PDE10A: variants seen among roughly 807,000 people sequenced by gnomAD.
The protein encoded by PDE10A is cAMP and cAMP-inhibited cGMP 3',5'-cyclic phosphodiesterase 10A.
A neutral mutation model predicts 97.7 loss-of-function variants in PDE10A; 39 were observed. The ratio of observed to expected loss-of-function variants is 0.40; its 90% CI spans 0.31 to 0.52. PDE10A has a LOEUF of 0.52. Among genes scored for constraint, PDE10A ranks in the 20% least tolerant of loss-of-function variants. The pLI, the probability that PDE10A is intolerant of heterozygous loss-of-function variation, is 0.56. For synonymous variants in PDE10A, 371 were observed against 376.8 expected, an observed-to-expected ratio of 0.98 and a Z score of 0.18; for missense variants, 731 against 1,047.8, an observed-to-expected ratio of 0.70 and a Z score of 4.17.
At chr6:165,974,389 C>G (rs1457866330) in intron 1 of PDE10A, among the ~76,000 whole-genome samples, 3 of 152,164 alleles carry the variant, frequency 2.0e-5, no homozygotes, top group Non-Finnish European at 2.9e-5. Context: ...ATAGTAAGTG[C>G]CTGGCACACC....
At chr6:165,749,443 C>T (rs374676244) in intron 1 of PDE10A, among the ~76,000 whole-genome samples, 13 of 85,564 alleles carry the variant, frequency 1.5e-4, no homozygotes, top group African/African-American at 2.6e-4. Context: ...ATCACCATCA[C>T]CACCATCACA....
chr6:165,516,496 A>T (rs1269407276), intron 2 of PDE10A, among the ~76,000 whole-genome samples: 1 of 152,168 alleles, frequency 6.6e-6, no homozygotes, highest in African/African-American at 2.4e-5. Flanking sequence ...AGAACTTTCT[A>T]CTACCATTGT....
At chr6:165,498,468 C>CAAAAAAAAAAAAAAAAAA (rs1780679049) in intron 2 of PDE10A, among the ~76,000 whole-genome samples, 1 of 51,284 alleles carries the variant, frequency 1.9e-5, no homozygotes, top group Non-Finnish European at 4.3e-5. Flanking sequence ...AAAAAAAAAT[C>CAAAAAAAAAAAAAAAAAA]AGTAACAGAG....
At chr6:165,949,484 C>T (rs1417408443) in intron 1 of PDE10A, 1 of 152,152 alleles carries the variant, frequency 6.6e-6, no homozygotes, top group Non-Finnish European at 1.5e-5. Flanking sequence ...TGCAACACAT[C>T]GGATGATGAC....
chr6:165,875,215 C>T (rs966813254), intron 1 of PDE10A, among the ~76,000 whole-genome samples: 3 of 152,104 alleles, frequency 2.0e-5, no homozygotes, highest in Admixed American at 6.6e-5. Flanking sequence ...GCTTTTCCTA[C>T]CAGGAGGATA....
chr6:165,340,620 A>C lies in PDE10A; in HGVS notation c.2896-1262T>G, dbSNP rs537917611. ...GCTTTTTAAACAAACGATGATTTGA[A>C]TATGTACTCGAAACAAAAATGCTAA... On this transcript the variant is annotated intron_variant, in intron 19 of 21. Transcript: ENST00000539869. 4.6e-5 allele frequency among the ~76,000 whole-genome samples: 7 copies of C among 152,378 alleles called. No homozygotes were observed. The South Asian group carries it at 1.5e-3, about 32-fold the overall frequency.
chr6:165,664,743 C>A (rs1449215033), upstream of PDE10A, among the ~76,000 whole-genome samples: 1 of 152,198 alleles, frequency 6.6e-6, no homozygotes, highest in Non-Finnish European at 1.5e-5. Context: ...CTGGACCAGG[C>A]AGCAAGGGTC....
chr6:165,644,387 G>T (rs889983398), intron 1 of PDE10A, among the ~76,000 whole-genome samples: 3 of 152,152 alleles, frequency 2.0e-5, no homozygotes, highest in African/African-American at 7.2e-5. Context: ...AAGAGTCTCC[G>T]TGAAGATTTC....
chr6:165,344,972 G>C (rs1050401355), intron 18 of PDE10A, among the ~76,000 whole-genome samples: 2 of 152,088 alleles, frequency 1.3e-5, no homozygotes, highest in African/African-American at 4.8e-5. Flanking sequence ...TAAGAACTTT[G>C]TGTCTTGAAG....
intron 10 of PDE10A, among the ~76,000 whole-genome samples, chr6:165,423,663 T>C (rs189535454): frequency 4.4e-4 from 67 of 152,106 alleles, no homozygotes; most frequent in African/African-American, 1.4e-3. Context: ...GTCAAGAGAT[T>C]GAGACCATCC....
intron 2 of PDE10A, among the ~76,000 whole-genome samples, chr6:165,506,960 AG>A (rs1005558411): frequency 6.6e-6 from 1 of 152,078 alleles, no homozygotes; most frequent in Non-Finnish European, 1.5e-5. Context: ...TCAGCTCAGG[AG>A]GTATTGAGCA....
At chr6:165,789,437 C>T (rs902647032) in intron 1 of PDE10A, among the ~76,000 whole-genome samples, 1 of 152,136 alleles carries the variant, frequency 6.6e-6, no homozygotes, top group African/African-American at 2.4e-5. Flanking sequence ...ATCTGTGAAG[C>T]CTATACATGA....
At chr6:165,369,526 G>A (rs933491588) in intron 18 of PDE10A, among the ~76,000 whole-genome samples, 51 of 144,664 alleles carry the variant, frequency 3.5e-4, no homozygotes, top group Non-Finnish European at 5.9e-4. Flanking sequence ...GAAGTTTAGA[G>A]AAAAAAGAAT....
At chr6:165,751,339 T>C (rs1433962864) in intron 1 of PDE10A, among the ~76,000 whole-genome samples, 1 of 152,198 alleles carries the variant, frequency 6.6e-6, no homozygotes, top group African/African-American at 2.4e-5. Flanking sequence ...GTGGCTTCCC[T>C]GGCCCCTGCC....
intron 1 of PDE10A, among the ~76,000 whole-genome samples, chr6:165,579,886 T>G (rs1310920387): frequency 6.6e-6 from 1 of 152,282 alleles, no homozygotes; most frequent in East Asian, 1.9e-4. Flanking sequence ...TCACACCTCC[T>G]GCGAGCTATT....
chr6:165,444,457 A>G (rs914458821), intron 5 of PDE10A, among the ~76,000 whole-genome samples: 7 of 152,104 alleles, frequency 4.6e-5, no homozygotes, highest in Non-Finnish European at 1.0e-4. Context: ...TGTTTTCTTG[A>G]TCTCTCAATA....
chr6:165,633,906 T>C (rs554192562), intron 1 of PDE10A, among the ~76,000 whole-genome samples: 1 of 152,336 alleles, frequency 6.6e-6, no homozygotes, highest in East Asian at 1.9e-4. Flanking sequence ...ATAGATATTT[T>C]TGAAGTGATA....
intron 1 of PDE10A, among the ~76,000 whole-genome samples, chr6:165,757,561 G>A (rs1469327546): frequency 6.6e-6 from 1 of 151,912 alleles, no homozygotes; most frequent in Non-Finnish European, 1.5e-5. Context: ...CTGGGGTACG[G>A]CATAAGGTAT....
chr6:165,411,161 A>G (rs1787791023), intron 13 of PDE10A, among the ~76,000 whole-genome samples: 1 of 150,770 alleles, frequency 6.6e-6, no homozygotes, highest in South Asian at 2.1e-4. Flanking sequence ...TACCCAGGTC[A>G]TGAGAGACAA....
Sources: gnomAD v4.1 joint callset for allele counts (sites outside exome capture counted in the v4.1 genomes callset) on GRCh38, gnomAD v4.1.1 for gene constraint, MANE v1.5 for transcripts, NCBI Gene and HGNC (gene_info 2026-07-23, HGNC 2026-07-21) for gene names.